Variants in POPDC3 observed in about 807,000 individuals in gnomAD.
The protein encoded by POPDC3 is popeye domain cAMP effector 3.
In POPDC3, 20 loss-of-function variants were observed where a neutral mutation model predicts 28.2. The ratio of observed to expected loss-of-function variants is 0.71; its 90% CI spans 0.50 to 1.03. POPDC3 has a LOEUF of 1.03. Ranked by LOEUF, POPDC3 falls within the 50% of genes least tolerant of loss-of-function variation. The pLI, the probability that POPDC3 is intolerant of heterozygous loss-of-function variation, is 0.00. For synonymous variants in POPDC3, 118 were observed against 124.1 expected, an observed-to-expected ratio of 0.95 and a Z score of 0.33; for missense variants, 316 against 345.9, an observed-to-expected ratio of 0.91 and a Z score of 0.69.
chr6:105,160,366 G>A (rs1774295154), intron 2 of POPDC3, among the ~76,000 whole-genome samples: 1 of 151,438 alleles, frequency 6.6e-6, no homozygotes, highest in Non-Finnish European at 1.5e-5. Flanking sequence ...CGTGCACTAC[G>A]ATGTCCAGCT....
chr6:105,159,679 G>T, intron 3 of POPDC3, 32 bp downstream of exon 3: 1 of 1,123,634 alleles, frequency 8.9e-7, no homozygotes, highest in Non-Finnish European at 1.4e-6. Context: ...TTGAAAGAGG[G>T]AGTGCTAACT....
rs146374506 is a variant in POPDC3, at chr6:105,172,584, C to T, written c.-252+7249G>A. Among the ~76,000 whole-genome samples, 1,159 of 150,862 alleles carry T rather than the reference C, an allele frequency of 7.7e-3. 62 individuals carry two copies. Among genetic ancestry groups the T allele is most frequent in the African/African-American group, 0.027 (1,099 of 40,804 alleles). ...TCATGCTGCTATAAAGACACATGCACACATATGTTTATTGCGTCACTATTC... is the reference window on the plus strand; with the variant it reads ...TCATGCTGCTATAAAGACACATGCATACATATGTTTATTGCGTCACTATTC... On this transcript the variant is annotated intron_variant, in intron 1 of 3. Coordinates refer to ENST00000254765, the MANE Select transcript of POPDC3 (RefSeq NM_022361.5).
rs777037865 is a variant in POPDC3 at position 105,159,750 on chromosome 6, C to T, written c.555G>A (p.Glu185=). The T allele has an allele frequency of 6.2e-7, 1 of 1,613,684 alleles. No individual in the cohort carries two copies. The highest frequency in any genetic ancestry group is 1.7e-5 in the Admixed American group (1 of 60,008). Residue 185 remains glutamate (E), a synonymous_variant, in exon 3 of 4, where the codon GAG becomes GAA. Coordinates refer to ENST00000254765, the MANE Select transcript of POPDC3 (RefSeq NM_022361.5). ...IFPLQFLDSP[E]WDSLRPTEEG... is the part of the protein sequence containing the mutation. Reference sequence around the variant, plus strand: ...CCTCTGTGGGTCTCAGTGAATCCCACTCAGGAGAATCCAGGAACTGAAGGG... The same window carrying T: ...CCTCTGTGGGTCTCAGTGAATCCCATTCAGGAGAATCCAGGAACTGAAGGG...
At chr6:105,169,941 ACAAAT>A (rs1230293637) in intron 1 of POPDC3, 1 of 152,198 alleles carries the variant, frequency 6.6e-6, no homozygotes, top group Non-Finnish European at 1.5e-5. Flanking sequence ...CTGGAACAAA[ACAAAT>A]CAACAACATT....
At chr6:105,170,715 A>G (rs771663992) in intron 1 of POPDC3, among the ~76,000 whole-genome samples, 3 of 152,214 alleles carry the variant, frequency 2.0e-5, no homozygotes, top group Non-Finnish European at 4.4e-5. Flanking sequence ...GCACTATACT[A>G]AACTGTGCAA....
At chr6:105,173,868 C>A (rs56376237) in intron 1 of POPDC3, among the ~76,000 whole-genome samples, 5,951 of 138,862 alleles carry the variant, frequency 0.043, 405 homozygotes, top group African/African-American at 0.16. Context: ...AAAAAAAAAA[C>A]CCTGAAATTA....
At chr6:105,168,306 A>G (rs2114538155) in intron 1 of POPDC3, among the ~76,000 whole-genome samples, 1 of 152,232 alleles carries the variant, frequency 6.6e-6, no homozygotes, top group Non-Finnish European at 1.5e-5. Flanking sequence ...TATGGATTCC[A>G]GAGTATATTC....
chr6:105,160,253 C>T (rs1027040906), intron 2 of POPDC3: 3 of 154,192 alleles, frequency 1.9e-5, no homozygotes, highest in Non-Finnish European at 2.9e-5. Flanking sequence ...ACTCTGTCGC[C>T]CAGCGTGGAG....
chr6:105,177,577 T>C (rs1419817942), intron 1 of POPDC3, among the ~76,000 whole-genome samples: 1 of 152,238 alleles, frequency 6.6e-6, no homozygotes, highest in African/African-American at 2.4e-5. Context: ...AGCTGTGCTC[T>C]TTCTCTGTGC....
intron 2 of POPDC3, among the ~76,000 whole-genome samples, chr6:105,161,058 T>C (rs959930815): frequency 1.3e-5 from 2 of 152,232 alleles, no homozygotes; most frequent in African/African-American, 4.8e-5. Context: ...AAGAAAGCCC[T>C]ATCAAAGAGT....
At position 105,158,498 on chromosome 6, in the gene POPDC3, T is replaced by C; in HGVS notation, c.848A>G (p.Gln283Arg). Residue 283 changes from glutamine (Q) to arginine (R), a missense_variant, in exon 4 of 4, where the codon CAG becomes CGG. Coordinates refer to ENST00000254765, the MANE Select transcript of POPDC3 (RefSeq NM_022361.5). ...TTTATCACAGTATCGTCTGGAATTC[T>C]GAAAATGTTGTGTCAGGGGTGATCT... Reference protein sequence around the residue: ...IRRSPLTQHFQNSRRYCDK With the variant: ...IRRSPLTQHFRNSRRYCDK 1 of 1,612,940 alleles carries C rather than the reference T, an allele frequency of 6.2e-7. No homozygotes were observed. Among genetic ancestry groups the C allele is most frequent in the Non-Finnish European group, 8.5e-7 (1 of 1,179,200 alleles).
chr6:105,171,402 C>T (rs1020149462), intron 1 of POPDC3, among the ~76,000 whole-genome samples: 1 of 152,114 alleles, frequency 6.6e-6, no homozygotes, highest in African/African-American at 2.4e-5. Flanking sequence ...GGTACAGTGG[C>T]TCATGCCTAT....
At chr6:105,159,316 T>G (rs1023053251) in intron 3 of POPDC3, among the ~76,000 whole-genome samples, 3 of 152,210 alleles carry the variant, frequency 2.0e-5, no homozygotes, top group Admixed American at 2.0e-4. Flanking sequence ...ACAACTGAAA[T>G]CCACTGGCAT....
intron 1 of POPDC3, among the ~76,000 whole-genome samples, chr6:105,171,740 A>G (rs1293517195): frequency 3.5e-5 from 5 of 142,202 alleles, no homozygotes; most frequent in Non-Finnish European, 6.3e-5. Flanking sequence ...TTTTAGTGAA[A>G]TTCCAATGTT....
At chr6:105,165,485 C>T (rs2114533668) in intron 1 of POPDC3, among the ~76,000 whole-genome samples, 1 of 152,322 alleles carries the variant, frequency 6.6e-6, no homozygotes, top group Non-Finnish European at 1.5e-5. Context: ...TGGCTTAATA[C>T]ATTGGTACAG....
chr6:105,161,795 C>T lies in POPDC3; in HGVS notation c.115G>A (p.Val39Ile). 1.9e-6 allele frequency: 3 copies of T among 1,614,218 alleles called. No individual in the cohort carries two copies. Among genetic ancestry groups the T allele is most frequent in the Non-Finnish European group, 2.5e-6 (3 of 1,180,036 alleles). ...IYHLASILFV[V>I]GFMGGSGFFG... ...AATCCACTGCCACCCATGAAACCTA[C>T]TACAAATAAAATACTGGCAAGATGA... Residue 39 changes from valine to isoleucine, a missense_variant, in exon 2 of 4, where the codon GTA (valine) becomes ATA (isoleucine). Physicochemically the swap from Val to Ile is conservative, Grantham distance 29. Coordinates refer to ENST00000254765, the MANE Select transcript of POPDC3 (RefSeq NM_022361.5).
At chr6:105,160,043 G>A (rs1774287891) in intron 2 of POPDC3, 1 of 331,148 alleles carries the variant, frequency 3.0e-6, no homozygotes, top group African/African-American at 2.1e-5. Context: ...GGAATATTGA[G>A]TGAAATTCAT....
intron 1 of POPDC3, among the ~76,000 whole-genome samples, chr6:105,168,121 C>A (rs1774496950): frequency 6.6e-6 from 1 of 152,200 alleles, no homozygotes; most frequent in South Asian, 2.1e-4. Context: ...AGATGTTACC[C>A]AAAGCATAGA....
intron 1 of POPDC3, among the ~76,000 whole-genome samples, chr6:105,164,220 C>T (rs1774411147): frequency 1.3e-5 from 2 of 152,112 alleles, no homozygotes; most frequent in Admixed American, 6.5e-5. Context: ...TAATCCTCAG[C>T]GAAATGTTAA....
Sources: allele counts gnomAD v4.1 joint callset (sites outside exome capture counted in the v4.1 genomes callset), GRCh38; gene constraint gnomAD v4.1.1; transcripts MANE v1.5; gene names NCBI Gene and HGNC (gene_info 2026-07-23, HGNC 2026-07-21).